HS6ST3: variants seen among roughly 807,000 people sequenced by gnomAD.
HS6ST3 encodes heparan-sulfate 6-O-sulfotransferase 3.
Under a neutral mutation model 36.7 loss-of-function variants are expected in HS6ST3, and 12 were observed. The observed-to-expected ratio is 0.33, with a 90% CI of 0.21 to 0.53. HS6ST3 has a LOEUF of 0.53. Among genes scored for constraint, HS6ST3 ranks in the 20% least tolerant of loss-of-function variants. The pLI is 0.95. For synonymous variants in HS6ST3, 240 were observed against 257.5 expected, an observed-to-expected ratio of 0.93 and a Z score of 0.65; for missense variants, 584 against 640.9, an observed-to-expected ratio of 0.91 and a Z score of 0.96.
Position 96,832,358 on chromosome 13 carries a change from T to C in HS6ST3, c.708-132T>C, listed in dbSNP as rs934909121. The C allele has an allele frequency of 1.1e-5, 7 of 640,288 alleles. No individual in the cohort carries two copies. In the East Asian group the frequency reaches 2.0e-4, roughly 18 times the overall value. The allele number at this position is 640,288 out of a possible 1,614,324, so 39.7% of individuals were successfully genotyped here. A position where few individuals can be genotyped will look rare whatever the true frequency, so the allele number is the denominator to read the frequency against. On this transcript the variant is annotated intron_variant, in intron 1 of 1. Transcript: ENST00000376705. ...ATGCACATGCATCAATAGACACAAATGCAGGCGAATACTCTCACATGAACA... is the reference window on the plus strand; with the variant it reads ...ATGCACATGCATCAATAGACACAAACGCAGGCGAATACTCTCACATGAACA...
intron 1 of HS6ST3, among the ~76,000 whole-genome samples, chr13:96,799,422 A>G (rs1877987459): frequency 6.6e-6 from 1 of 152,134 alleles, no homozygotes; most frequent in South Asian, 2.1e-4. Context: ...AAAATGTGGC[A>G]CACATACACC....
At chr13:96,107,678 A>G (rs2053847858) in intron 1 of HS6ST3, among the ~76,000 whole-genome samples, 1 of 152,248 alleles carries the variant, frequency 6.6e-6, no homozygotes, top group African/African-American at 2.4e-5. Flanking sequence ...GGCTGAAGCC[A>G]TGGCAGAAGA....
chr13:96,108,480 T>C (rs543405969), intron 1 of HS6ST3, among the ~76,000 whole-genome samples: 1 of 152,334 alleles, frequency 6.6e-6, no homozygotes, highest in Non-Finnish European at 1.5e-5. Flanking sequence ...AAGCATGTGA[T>C]CTCTGTGACC....
At chr13:96,716,671 A>G (rs1253378630) in intron 1 of HS6ST3, among the ~76,000 whole-genome samples, 3 of 152,146 alleles carry the variant, frequency 2.0e-5, no homozygotes, top group Non-Finnish European at 4.4e-5. Flanking sequence ...TCATTTCTCT[A>G]TTATCTATCT....
intron 1 of HS6ST3, among the ~76,000 whole-genome samples, chr13:96,430,347 C>G (rs1471411291): frequency 3.3e-4 from 50 of 152,298 alleles, no homozygotes; most frequent in Non-Finnish European, 8.8e-5. Context: ...GTCTGGCAAA[C>G]TGTAGTAGGT....
intron 1 of HS6ST3, among the ~76,000 whole-genome samples, chr13:96,118,665 T>G (rs2053906528): frequency 8.5e-3 from 55 of 6,482 alleles, no homozygotes; most frequent in South Asian, 0.012. Context: ...TATATATATA[T>G]ATATATATAT....
intron 1 of HS6ST3, among the ~76,000 whole-genome samples, chr13:96,289,628 C>T (rs1338406906): frequency 6.6e-6 from 1 of 152,114 alleles, no homozygotes; most frequent in Non-Finnish European, 1.5e-5. Flanking sequence ...ATTAATCATA[C>T]CTGTATTAAC....
At chr13:96,328,859 T>G (rs61966926) in intron 1 of HS6ST3, among the ~76,000 whole-genome samples, 4 of 152,116 alleles carry the variant, frequency 2.6e-5, no homozygotes, top group Admixed American at 6.6e-5. Flanking sequence ...CAATTTCAGA[T>G]CCTGTTATTG....
chr13:96,630,714 C>T (rs886987046), intron 1 of HS6ST3, among the ~76,000 whole-genome samples: 3 of 152,008 alleles, frequency 2.0e-5, no homozygotes, highest in Admixed American at 1.3e-4. Flanking sequence ...TGCTGGCTTG[C>T]CTTTCTGGAG....
At chr13:96,654,175 G>A (rs1269923673) in intron 1 of HS6ST3, among the ~76,000 whole-genome samples, 1 of 152,134 alleles carries the variant, frequency 6.6e-6, no homozygotes, top group Non-Finnish European at 1.5e-5. Flanking sequence ...TCACTCTGAT[G>A]ATAGTTTCTT....
chr13:96,229,334 C>T (rs1395168718), intron 1 of HS6ST3, among the ~76,000 whole-genome samples: 1 of 152,126 alleles, frequency 6.6e-6, no homozygotes, highest in Non-Finnish European at 1.5e-5. Flanking sequence ...GTGCATTAGT[C>T]AGGTCAGGCT....
intron 1 of HS6ST3, among the ~76,000 whole-genome samples, chr13:96,428,264 G>A (rs1216824901): frequency 1.3e-5 from 2 of 152,154 alleles, no homozygotes; most frequent in African/African-American, 2.4e-5. Context: ...CAGAAGAATC[G>A]CTTGACAGGG....
At chr13:96,606,288 C>T (rs2056438443) in intron 1 of HS6ST3, among the ~76,000 whole-genome samples, 2 of 152,058 alleles carry the variant, frequency 1.3e-5, no homozygotes, top group Admixed American at 1.3e-4. Context: ...ATTTGAAGCA[C>T]TTTTCACACT....
chr13:96,215,876 C>G (rs2054423438), intron 1 of HS6ST3, among the ~76,000 whole-genome samples: 1 of 152,118 alleles, frequency 6.6e-6, no homozygotes, highest in Non-Finnish European at 1.5e-5. Context: ...TTAATAAAAT[C>G]TACACACAGG....
intron 1 of HS6ST3, among the ~76,000 whole-genome samples, chr13:96,335,728 T>C (rs1008223069): frequency 6.6e-6 from 1 of 152,140 alleles, no homozygotes; most frequent in African/African-American, 2.4e-5. Context: ...GTCCTCCTCT[T>C]TAGAGTTGAT....
At chr13:96,656,363 C>CT (rs1207785532) in intron 1 of HS6ST3, among the ~76,000 whole-genome samples, 2 of 152,198 alleles carry the variant, frequency 1.3e-5, no homozygotes, top group East Asian at 3.9e-4. Context: ...GTCACATACC[C>CT]TTTTTTCCAT....
At chr13:96,242,625 G>A (rs948413113) in intron 1 of HS6ST3, among the ~76,000 whole-genome samples, 1 of 151,342 alleles carries the variant, frequency 6.6e-6, no homozygotes, top group African/African-American at 2.4e-5. Context: ...CCATGGTGTG[G>A]CATATGAAAC....
intron 1 of HS6ST3, among the ~76,000 whole-genome samples, chr13:96,480,245 C>G (rs1424793385): frequency 2.6e-5 from 4 of 152,130 alleles, no homozygotes; most frequent in African/African-American, 4.8e-5. Context: ...TCCCGAGTGG[C>G]TGGGATTACA....
chr13:96,279,602 AC>A (rs1383239790), intron 1 of HS6ST3, among the ~76,000 whole-genome samples: 1 of 152,086 alleles, frequency 6.6e-6, no homozygotes, highest in Admixed American at 6.6e-5. Context: ...ATTTATCTAG[AC>A]CCCAACCATG....
Sources: allele counts gnomAD v4.1 joint callset (sites outside exome capture counted in the v4.1 genomes callset), GRCh38; gene constraint gnomAD v4.1.1; transcripts MANE v1.5; gene names NCBI Gene and HGNC (gene_info 2026-07-23, HGNC 2026-07-21).